ADGRL3: variants seen among roughly 807,000 people sequenced by gnomAD.
The protein encoded by ADGRL3 is adhesion G protein-coupled receptor L3, also known as calcium-independent alpha-latrotoxin receptor 3.
Under a neutral mutation model 153.5 loss-of-function variants are expected in ADGRL3, and 62 were observed. The ratio of observed to expected loss-of-function variants is 0.40; its 90% CI spans 0.33 to 0.50. The LOEUF is 0.50. ADGRL3 is among the 20% of genes least tolerant of loss of function. The probability of loss-of-function intolerance (pLI) is 0.47; values close to 1 mark genes in which losing one functional copy is unlikely to be tolerated. For synonymous variants in ADGRL3, 710 were observed against 672.5 expected (o/e 1.06, Z -0.86); for missense variants, 1,641 against 1,859.4 (o/e 0.88, Z 2.16).
intron 17 of ADGRL3, among the ~76,000 whole-genome samples, chr4:61,967,097 G>A (rs2099009701): frequency 6.6e-6 from 1 of 152,068 alleles, no homozygotes; most frequent in African/African-American, 2.4e-5. Flanking sequence ...AAAATTAATA[G>A]TACTTTAATG....
At chr4:61,295,752 A>G (rs1401085745) in intron 1 of ADGRL3, among the ~76,000 whole-genome samples, 1 of 151,426 alleles carries the variant, frequency 6.6e-6, no homozygotes, top group East Asian at 1.9e-4. Context: ...TGAGCCTAGG[A>G]GTTTGAGACC....
chr4:62,025,856 G>T (rs539537276), intron 21 of ADGRL3, among the ~76,000 whole-genome samples: 4 of 152,110 alleles, frequency 2.6e-5, no homozygotes, highest in Middle Eastern at 3.4e-3. Context: ...TTGTTTAAAT[G>T]GATTATCATT....
At chr4:61,430,854 T>C (rs2097348027) in intron 2 of ADGRL3, among the ~76,000 whole-genome samples, 1 of 152,122 alleles carries the variant, frequency 6.6e-6, no homozygotes. Context: ...CTCCTGCATA[T>C]TTTGGTATTA....
At chr4:61,285,345 T>C (rs1419626514) in intron 1 of ADGRL3, among the ~76,000 whole-genome samples, 2 of 151,896 alleles carry the variant, frequency 1.3e-5, no homozygotes, top group African/African-American at 2.4e-5. Context: ...GATACTGTTC[T>C]GTGTTTCAAG....
intron 17 of ADGRL3, among the ~76,000 whole-genome samples, chr4:61,972,112 G>A (rs1453124494): frequency 6.6e-6 from 1 of 151,980 alleles, no homozygotes; most frequent in Admixed American, 6.6e-5. Flanking sequence ...TAGGTTGCCT[G>A]TTCACTCTGA....
At chr4:61,745,139 C>A (rs1461047577) in intron 8 of ADGRL3, among the ~76,000 whole-genome samples, 7 of 151,942 alleles carry the variant, frequency 4.6e-5, no homozygotes, top group Non-Finnish European at 7.4e-5. Flanking sequence ...AATGAATGAA[C>A]TGAAGCGAGA....
At chr4:61,279,214 G>T (rs1207304560) in intron 1 of ADGRL3, among the ~76,000 whole-genome samples, 1 of 151,970 alleles carries the variant, frequency 6.6e-6, no homozygotes, top group Non-Finnish European at 1.5e-5. Context: ...AAGCCAAATG[G>T]GTATCACTAC....
intron 2 of ADGRL3, among the ~76,000 whole-genome samples, chr4:61,439,090 T>C (rs1276012696): frequency 6.6e-6 from 1 of 152,100 alleles, no homozygotes; most frequent in African/African-American, 2.4e-5. Flanking sequence ...GTATATAATA[T>C]TATAGAGCAA....
chr4:61,335,564 A>G (rs1244935126), intron 1 of ADGRL3, among the ~76,000 whole-genome samples: 7 of 152,134 alleles, frequency 4.6e-5, no homozygotes, highest in Non-Finnish European at 1.5e-5. Flanking sequence ...TTAAGAGTAG[A>G]ATGTCAGTTT....
chr4:61,855,058 T>G (rs1256636517), intron 9 of ADGRL3, among the ~76,000 whole-genome samples: 3 of 152,098 alleles, frequency 2.0e-5, no homozygotes, highest in African/African-American at 7.2e-5. Flanking sequence ...TAATGTAGTA[T>G]CCAGGATGGG....
At chr4:61,290,776 T>C (rs912422723) in intron 1 of ADGRL3, among the ~76,000 whole-genome samples, 19 of 151,968 alleles carry the variant, frequency 1.3e-4, no homozygotes, top group African/African-American at 4.6e-4. Context: ...AATTTTAGTC[T>C]TCATATGTTC....
intron 21 of ADGRL3, among the ~76,000 whole-genome samples, chr4:62,009,614 T>G (rs1174288782): frequency 6.6e-6 from 1 of 152,152 alleles, no homozygotes; most frequent in African/African-American, 2.4e-5. Context: ...ATTTTCTTTT[T>G]TAAGCACTTG....
At chr4:61,669,934 G>A (rs546154313) in intron 5 of ADGRL3, among the ~76,000 whole-genome samples, 2 of 152,118 alleles carry the variant, frequency 1.3e-5, no homozygotes, top group Non-Finnish European at 2.9e-5. Context: ...ATTCATGATC[G>A]AAGGGTTTAT....
At chr4:62,032,358 CT>C (rs1012082184) in intron 23 of ADGRL3, among the ~76,000 whole-genome samples, 1 of 151,360 alleles carries the variant, frequency 6.6e-6, no homozygotes, top group African/African-American at 2.4e-5. Context: ...ATTTTCCAAT[CT>C]TATACACTTT....
At chr4:61,524,720 A>G (rs1256728584) in intron 4 of ADGRL3, among the ~76,000 whole-genome samples, 4 of 152,096 alleles carry the variant, frequency 2.6e-5, no homozygotes, top group Non-Finnish European at 4.4e-5. Flanking sequence ...GTGGTTCCTG[A>G]GACCTAGTAA....
At chr4:61,498,001 AT>A (rs1313453105) in intron 3 of ADGRL3, among the ~76,000 whole-genome samples, 1 of 152,084 alleles carries the variant, frequency 6.6e-6, no homozygotes, top group East Asian at 1.9e-4. Flanking sequence ...TTTATTGTGA[AT>A]TTTTTGGCTT....
At chr4:61,300,144 A>G (rs759758014) in intron 1 of ADGRL3, among the ~76,000 whole-genome samples, 9 of 152,194 alleles carry the variant, frequency 5.9e-5, no homozygotes, top group Non-Finnish European at 1.3e-4. Flanking sequence ...CTCATTTTTC[A>G]TATATAATGC....
chr4:61,535,104 AT>A (rs61288917), intron 4 of ADGRL3, among the ~76,000 whole-genome samples: 119,258 of 151,604 alleles, frequency 0.79, 47,111 homozygotes, highest in East Asian at 0.92. Context: ...ATATTGAGGT[AT>A]TTTTTTTTAT....
intron 6 of ADGRL3, among the ~76,000 whole-genome samples, chr4:61,700,736 T>G (rs1561087257): frequency 6.6e-6 from 1 of 152,186 alleles, no homozygotes; most frequent in African/African-American, 2.4e-5. Flanking sequence ...AAATGTTTAC[T>G]TGTTGGATTT....
Sources: allele counts gnomAD v4.1 joint callset (sites outside exome capture counted in the v4.1 genomes callset), GRCh38; gene constraint gnomAD v4.1.1; transcripts MANE v1.5; gene names NCBI Gene and HGNC (gene_info 2026-07-23, HGNC 2026-07-21).